RP1: variants seen among roughly 807,000 people sequenced by gnomAD.
RP1 encodes oxygen-regulated protein 1.
In RP1, 16 loss-of-function variants were observed where a neutral mutation model predicts 14.8. The ratio of observed to expected loss-of-function variants is 1.08; its 90% CI spans 0.73 to 1.65. RP1 has a LOEUF of 1.65. RP1 is among the 40% of genes most tolerant of loss of function. The pLI is 0.00. For missense variants in RP1, 2,631 were observed against 2,535.0 expected (o/e 1.04, Z -0.81); for synonymous variants, 876 against 883.6 (o/e 0.99, Z 0.15).
chr8:54,636,540 C>G (rs2129320886), intron 3 of RP1, among the ~76,000 whole-genome samples: 1 of 152,276 alleles, frequency 6.6e-6, no homozygotes, highest in East Asian at 1.9e-4. Flanking sequence ...GAGTTCAAGA[C>G]CAGCCTGGCC....
intron 6 of RP1, among the ~76,000 whole-genome samples, chr8:54,661,487 A>AT (rs1397585670): frequency 6.6e-6 from 1 of 151,844 alleles, no homozygotes; most frequent in Non-Finnish European, 1.5e-5. Context: ...TTAAAAAAAA[A>AT]AGAAATCTTT....
chr8:54,676,154 A>G (rs1213415817), intron 8 of RP1, among the ~76,000 whole-genome samples: 2 of 152,188 alleles, frequency 1.3e-5, no homozygotes, highest in East Asian at 1.9e-4. Context: ...TTAGGGGGAC[A>G]AGTATATTCA....
At chr8:54,678,138 T>C (rs928462995) in intron 8 of RP1, among the ~76,000 whole-genome samples, 1 of 152,138 alleles carries the variant, frequency 6.6e-6, no homozygotes, top group Non-Finnish European at 1.5e-5. Flanking sequence ...TTGGAAGATG[T>C]TAGGTTCAGG....
intron 15 of RP1, among the ~76,000 whole-genome samples, chr8:54,711,704 G>A (rs995610593): frequency 2.0e-5 from 3 of 152,100 alleles, no homozygotes; most frequent in Non-Finnish European, 2.9e-5. Context: ...CTTTTGTGTA[G>A]TTATTAAAAG....
chr8:54,599,686 C>T (rs563860716), intron 1 of RP1, among the ~76,000 whole-genome samples: 2 of 152,236 alleles, frequency 1.3e-5, no homozygotes, highest in East Asian at 1.9e-4. Context: ...AACTCCTGAC[C>T]TCAAGTGATC....
At chr8:54,827,928 AC>A (rs1397467345) in intron 24 of RP1, among the ~76,000 whole-genome samples, 1 of 152,006 alleles carries the variant, frequency 6.6e-6, no homozygotes, top group African/African-American at 2.4e-5. Flanking sequence ...ATTTTTTTCT[AC>A]TTTTTAAGCT....
Position 54,710,953 on chromosome 8 carries a change from G to A in RP1, c.2211+4298G>A, listed in dbSNP as rs1032809025. Among the ~76,000 whole-genome samples the A allele has an allele frequency of 2.0e-5, 3 of 152,210 alleles. 1 individual carries two copies. In the South Asian group the frequency reaches 6.2e-4, roughly 32 times the overall value. On this transcript the variant is annotated intron_variant, in intron 15 of 22. Transcript: ENST00000636932. ...AGGATGGAAGTTTTCACTTTGGGCT[G>A]TGGGTTTCAGGCTTTTCACCTCAAA...
At chr8:54,839,906 CAT>C (rs1222720020) in intron 25 of RP1, among the ~76,000 whole-genome samples, 9 of 152,182 alleles carry the variant, frequency 5.9e-5, no homozygotes, top group Non-Finnish European at 7.3e-5. Context: ...AACATTCTCT[CAT>C]ATAAGATTTC....
At chr8:54,870,427 G>T (rs1464330122) in exon 29 of RP1, 1 of 152,164 alleles carries the variant, frequency 6.6e-6, no homozygotes, top group East Asian at 1.9e-4. Context: ...TTAGACAATG[G>T]TATGTCTCTC....
intron 14 of RP1, among the ~76,000 whole-genome samples, chr8:54,702,805 A>C (rs938161737): frequency 3.9e-5 from 6 of 152,176 alleles, no homozygotes; most frequent in Admixed American, 1.3e-4. Flanking sequence ...GAGTTTATTT[A>C]ATAGTCTGAA....
chr8:54,594,751 A>C lies in RP1; in HGVS notation c.-12-26204A>C, dbSNP rs372003263. 3.9e-5 allele frequency among the ~76,000 whole-genome samples: 6 copies of C among 152,342 alleles called. No individual in the cohort carries two copies. The South Asian group carries it at 1.2e-3, about 32-fold the overall frequency. ...AGGCAAATAAAAGGCCACTAGAAGC[A>C]CTGTAATTATTATGGAAGTTGTTCA... On this transcript the variant is annotated intron_variant, in intron 1 of 22. Coordinates refer to the RP1 transcript ENST00000636932.
chr8:54,781,374 G>A (rs1323001211), intron 23 of RP1, among the ~76,000 whole-genome samples: 2 of 152,048 alleles, frequency 1.3e-5, no homozygotes, highest in African/African-American at 4.8e-5. Flanking sequence ...TTTGATATGA[G>A]TCCTTGGGGT....
At chr8:54,743,801 A>C (rs1286122855) in intron 19 of RP1, among the ~76,000 whole-genome samples, 1 of 152,148 alleles carries the variant, frequency 6.6e-6, no homozygotes, top group Admixed American at 6.5e-5. Flanking sequence ...TATTTACGTG[A>C]GCAATTCAAA....
chr8:54,856,916 A>G (rs1249728415), intron 26 of RP1: 12 of 348,706 alleles, frequency 3.4e-5, no homozygotes, highest in Middle Eastern at 1.6e-3. Context: ...TTATAGTAGT[A>G]GTAAGAATAC....
rs536384563 is a variant in RP1, at chr8:54,602,388, A to G, written c.-12-18567A>G. ...AACTCATCCTTTTTTATGGCTGCAT[A>G]GTATTCCAAGGTGTATATGTGCCAC... On this transcript the variant is annotated intron_variant, in intron 1 of 22. Transcript: ENST00000636932. 4.6e-5 allele frequency among the ~76,000 whole-genome samples: 7 copies of G among 152,336 alleles called. No individual in the cohort carries two copies. In the South Asian group the frequency reaches 1.5e-3, roughly 32 times the overall value.
chr8:54,601,462 AC>A (rs1362731113), intron 1 of RP1, among the ~76,000 whole-genome samples: 1 of 151,876 alleles, frequency 6.6e-6, no homozygotes, highest in East Asian at 1.9e-4. Context: ...TGGGAGATAT[AC>A]CTAATGCTAG....
At chr8:54,612,973 T>A (rs1230839560), upstream of RP1, among the ~76,000 whole-genome samples, 1 of 152,222 alleles carries the variant, frequency 6.6e-6, no homozygotes, top group African/African-American at 2.4e-5. Flanking sequence ...TTATAGGATC[T>A]AACATGCTGT....
chr8:54,625,691 T>A lies in RP1; in HGVS notation c.1809T>A (p.Asp603Glu), dbSNP rs748624302. The A allele has an allele frequency of 1.2e-6, 2 of 1,614,114 alleles. No homozygotes were observed. Among genetic ancestry groups the A allele is most frequent in the Admixed American group, 3.3e-5 (2 of 60,028 alleles). ...TCAAAACTTATGGTAACACCAATGATAGGTTCAGTCCTATTTCAGCAGATG... is the reference window on the plus strand; with the variant it reads ...TCAAAACTTATGGTAACACCAATGAAAGGTTCAGTCCTATTTCAGCAGATG... ...KNFKTYGNTN[D>E]RFSPISADAT... The change falls in exon 4 of 4, where the codon GAT becomes GAA. Residue 603 changes from aspartate (D) to glutamate (E), a missense_variant. By Grantham distance (45) the Asp-to-Glu change is conservative. Coordinates refer to ENST00000220676, the MANE Select transcript of RP1 (RefSeq NM_006269.2).
chr8:54,629,356 G>A lies in RP1; in HGVS notation c.5474G>A (p.Ser1825Asn), dbSNP rs768288523. ...AATTACTTTAACATGCCTCATGGTAGTGACTCAGAACCTTTTCATGAGGAC... is the reference window on the plus strand; with the variant it reads ...AATTACTTTAACATGCCTCATGGTAATGACTCAGAACCTTTTCATGAGGAC... ...KCNYFNMPHG[S>N]DSEPFHEDLL... Residue 1825 changes from serine to asparagine, a missense_variant, in exon 4 of 4, where the codon AGT becomes AAT. Ser to Asn is a conservative substitution (Grantham distance 46). Coordinates refer to ENST00000220676, the MANE Select transcript of RP1 (RefSeq NM_006269.2). 4.3e-6 allele frequency: 7 copies of A among 1,614,012 alleles called. No individual in the cohort carries two copies.
Sources: allele counts gnomAD v4.1 joint callset (sites outside exome capture counted in the v4.1 genomes callset), GRCh38; gene constraint gnomAD v4.1.1; transcripts MANE v1.5; gene names NCBI Gene and HGNC (gene_info 2026-07-23, HGNC 2026-07-21).